The following TAF4B variants were observed in gnomAD, a reference collection of about 807,000 sequenced individuals.
TAF4B encodes transcription initiation factor TFIID subunit 4B.
A neutral mutation model predicts 86.4 loss-of-function variants in TAF4B; 38 were observed. The ratio of observed to expected loss-of-function variants is 0.44; its 90% CI spans 0.34 to 0.58. The LOEUF is 0.58. Ranked by LOEUF, TAF4B falls within the 20% of genes least tolerant of loss-of-function variation. The pLI is 0.02. For synonymous variants in TAF4B, 388 were observed against 391.2 expected, an observed-to-expected ratio of 0.99 and a Z score of 0.10; for missense variants, 988 against 1,027.6, an observed-to-expected ratio of 0.96 and a Z score of 0.53.
rs1239868417 is a variant in TAF4B at position 26,226,593 on chromosome 18, C to A, written c.-341C>A. On this transcript the variant is annotated 5_prime_UTR_variant, in exon 1 of 15. Coordinates refer to ENST00000269142, the MANE Select transcript of TAF4B (RefSeq NM_005640.3). ...GGCTCGAGGTGTGAGCGACGACCTT[C>A]CGGGAGCCGCAAGTCCAGGCTCCCC... is the stretch of plus-strand genomic sequence containing the variant. 2 of 218,284 alleles carry A rather than the reference C, an allele frequency of 9.2e-6. No homozygotes were observed. Among genetic ancestry groups the A allele is most frequent in the African/African-American group, 4.6e-5 (2 of 43,950 alleles). 13.5% of individuals were successfully genotyped at this position (218,284 alleles called of 1,614,324 possible). A position where few individuals can be genotyped will look rare whatever the true frequency, so the allele number is the denominator to read the frequency against.
chr18:26,254,386 T>G (rs1598728942), intron 1 of TAF4B, among the ~76,000 whole-genome samples: 1 of 151,968 alleles, frequency 6.6e-6, no homozygotes, highest in East Asian at 1.9e-4. Flanking sequence ...TAATACAGAG[T>G]GAAAGAAAAT....
intron 7 of TAF4B, among the ~76,000 whole-genome samples, 194 bp from the exon 8 acceptor site, chr18:26,292,052 T>C (rs2056600262): frequency 6.6e-6 from 1 of 152,228 alleles, no homozygotes; most frequent in South Asian, 2.1e-4. Context: ...CTGAAAATAA[T>C]GTATGTGAGA....
At chr18:26,230,277 T>C (rs4800249) in intron 1 of TAF4B, among the ~76,000 whole-genome samples, 98,291 of 152,118 alleles carry the variant, frequency 0.65, 33,884 homozygotes, top group African/African-American at 0.88. Flanking sequence ...AGTGTGAAAG[T>C]TACTTATGAA....
At chr18:26,371,207 GAC>G (rs1476008362) in intron 14 of TAF4B, among the ~76,000 whole-genome samples, 2 of 152,064 alleles carry the variant, frequency 1.3e-5, no homozygotes, top group Non-Finnish European at 2.9e-5. Context: ...CTACTGAATC[GAC>G]ACATATTTAT....
At chr18:26,277,243 C>G (rs1392185970) in intron 5 of TAF4B, among the ~76,000 whole-genome samples, 1 of 152,042 alleles carries the variant, frequency 6.6e-6, no homozygotes, top group African/African-American at 2.4e-5. Context: ...GCCACCACAC[C>G]TGGCTAATTT....
chr18:26,307,032 A>G (rs1204388523), intron 9 of TAF4B, among the ~76,000 whole-genome samples: 2 of 151,904 alleles, frequency 1.3e-5, no homozygotes, highest in Admixed American at 6.6e-5. Flanking sequence ...CTCGTGATCC[A>G]CCTGCCTCGG....
intron 5 of TAF4B, 45 bp from the exon 6 acceptor site, chr18:26,281,926 A>G (rs769348474): frequency 2.1e-6 from 3 of 1,410,700 alleles, no homozygotes; most frequent in Non-Finnish European, 3.0e-6. Flanking sequence ...TCTCTTTTAA[A>G]AGATTTGTAG....
At chr18:26,249,868 A>G (rs915240414) in intron 1 of TAF4B, among the ~76,000 whole-genome samples, 2 of 152,168 alleles carry the variant, frequency 1.3e-5, no homozygotes, top group East Asian at 1.9e-4. Flanking sequence ...GATTACAGGC[A>G]CATGCCACCA....
intron 3 of TAF4B, among the ~76,000 whole-genome samples, chr18:26,273,065 AAT>A (rs1449400316): frequency 6.6e-6 from 1 of 152,170 alleles, no homozygotes. Context: ...TCAATATTGA[AAT>A]ATGTTACAGA....
At chr18:26,274,377 G>A (rs897738709) in intron 3 of TAF4B, among the ~76,000 whole-genome samples, 3 of 152,124 alleles carry the variant, frequency 2.0e-5, no homozygotes, top group East Asian at 1.9e-4. Context: ...AGCAGGTACC[G>A]TTGCAATCCC....
At chr18:26,345,388 G>A (rs1053863208) in intron 13 of TAF4B, among the ~76,000 whole-genome samples, 3 of 152,184 alleles carry the variant, frequency 2.0e-5, no homozygotes, top group Admixed American at 6.5e-5. Context: ...TCCTCGGGCC[G>A]GCTGAGCAAC....
At chr18:26,285,222 G>GTTTTTGTTTTTGTTTTTGTTT in intron 6 of TAF4B, among the ~76,000 whole-genome samples, 3 of 45,660 alleles carry the variant, frequency 6.6e-5, no homozygotes, top group African/African-American at 1.9e-4. Context: ...TTTTTTTTTT[G>GTTTTTGTTTTTGTTTTTGTTT]TTTTTTTTTT....
At chr18:26,264,794 A>C (rs1172351231) in intron 1 of TAF4B, among the ~76,000 whole-genome samples, 2 of 152,206 alleles carry the variant, frequency 1.3e-5, no homozygotes, top group Non-Finnish European at 2.9e-5. Context: ...AGAGCCTTTT[A>C]GGAAAATGTG....
chr18:26,268,813 T>C (rs2056275944), intron 3 of TAF4B, among the ~76,000 whole-genome samples: 1 of 152,102 alleles, frequency 6.6e-6, no homozygotes, highest in African/African-American at 2.4e-5. Context: ...TTTTTTATTT[T>C]GTTTTGTTTT....
At chr18:26,333,730 A>G (rs1416336220) in intron 12 of TAF4B, among the ~76,000 whole-genome samples, 3 of 152,086 alleles carry the variant, frequency 2.0e-5, no homozygotes, top group African/African-American at 4.8e-5. Flanking sequence ...GTCAGCAATT[A>G]TTTGTTTTGT....
chr18:26,229,494 C>CTTTTTTTTTTTT (rs34261854), intron 1 of TAF4B, among the ~76,000 whole-genome samples: 63 of 129,368 alleles, frequency 4.9e-4, no homozygotes, highest in South Asian at 9.7e-4. Context: ...TTCTTTCTTT[C>CTTTTTTTTTTTT]TTTTTTTTTT....
chr18:26,269,565 C>CT (rs1284130282), intron 3 of TAF4B, among the ~76,000 whole-genome samples: 1 of 152,158 alleles, frequency 6.6e-6, no homozygotes, highest in African/African-American at 2.4e-5. Context: ...ATCAGACCTT[C>CT]TTTTGGTGTT....
intron 1 of TAF4B, among the ~76,000 whole-genome samples, chr18:26,242,457 T>G (rs1412259290): frequency 6.6e-6 from 1 of 152,188 alleles, no homozygotes; most frequent in East Asian, 1.9e-4. Context: ...CTCCATCCCT[T>G]TATTTTGAGC....
intron 1 of TAF4B, chr18:26,256,064 G>A (rs2056079730): frequency 7.4e-7 from 1 of 1,350,276 alleles, no homozygotes; most frequent in Non-Finnish European, 1.1e-6. Context: ...CTTGTTCCCA[G>A]ATAGAGTCAC....
Sources: allele counts gnomAD v4.1 joint callset (sites outside exome capture counted in the v4.1 genomes callset), GRCh38; gene constraint gnomAD v4.1.1; transcripts MANE v1.5; gene names NCBI Gene and HGNC (gene_info 2026-07-23, HGNC 2026-07-21).